FBXW11: variants seen among roughly 807,000 people sequenced by gnomAD.
FBXW11 encodes F-box and WD repeat domain containing 11.
In FBXW11, 19 loss-of-function variants were observed where a neutral mutation model predicts 77.6. The observed-to-expected ratio is 0.24, with a 90% CI of 0.17 to 0.36. The LOEUF (loss-of-function observed/expected upper bound fraction) is 0.36, where lower values mean the gene tolerates loss of function less well. Among genes scored for constraint, FBXW11 ranks in the 10% least tolerant of loss-of-function variants. The pLI is 1.00. For missense variants in FBXW11, 334 were observed against 704.2 expected, an observed-to-expected ratio of 0.47 and a Z score of 5.95; for synonymous variants, 235 against 249.4, an observed-to-expected ratio of 0.94 and a Z score of 0.54.
At chr5:171,878,930 T>C (rs915569633) in intron 7 of FBXW11, among the ~76,000 whole-genome samples, 1 of 152,156 alleles carries the variant, frequency 6.6e-6, no homozygotes, top group Non-Finnish European at 1.5e-5. Flanking sequence ...GAAAATGAAA[T>C]GTCCAGCATT....
intron 2 of FBXW11, among the ~76,000 whole-genome samples, chr5:171,948,309 G>C (rs1763125962): frequency 6.7e-6 from 1 of 149,594 alleles, no homozygotes; most frequent in Non-Finnish European, 1.5e-5. Flanking sequence ...AAAAAGTATA[G>C]ATAGATAAGC....
chr5:171,964,146 G>A (rs1007845072), intron 1 of FBXW11, among the ~76,000 whole-genome samples: 1 of 152,204 alleles, frequency 6.6e-6, no homozygotes, highest in African/African-American at 2.4e-5. Context: ...TACAAACAAT[G>A]CAATTTCTTT....
chr5:171,931,797 T>C (rs1762200874), intron 2 of FBXW11, among the ~76,000 whole-genome samples: 1 of 143,338 alleles, frequency 7.0e-6, no homozygotes, highest in Non-Finnish European at 1.5e-5. Flanking sequence ...ACAGAAACAA[T>C]TTCTCTCTCT....
At chr5:171,931,820 T>TC (rs1404593516) in intron 2 of FBXW11, among the ~76,000 whole-genome samples, 1 of 116,956 alleles carries the variant, frequency 8.6e-6, no homozygotes, top group Non-Finnish European at 1.7e-5. Context: ...CTCTCCTCTC[T>TC]CTCTCTCTCT....
chr5:171,959,279 C>T (rs1763774882), intron 1 of FBXW11, among the ~76,000 whole-genome samples: 1 of 151,820 alleles, frequency 6.6e-6, no homozygotes, highest in Admixed American at 6.6e-5. Context: ...ATTTTGTTGC[C>T]TCAACACTTT....
intron 1 of FBXW11, among the ~76,000 whole-genome samples, chr5:171,991,168 T>G (rs1365979171): frequency 6.6e-6 from 1 of 152,120 alleles, no homozygotes; most frequent in East Asian, 1.9e-4. Context: ...AGTAATTCAT[T>G]CAAAAAATTT....
At chr5:171,930,851 T>A (rs1270121359) in intron 2 of FBXW11, among the ~76,000 whole-genome samples, 1 of 151,280 alleles carries the variant, frequency 6.6e-6, no homozygotes, top group African/African-American at 2.4e-5. Context: ...TATACACAGT[T>A]TATATACAAA....
rs191350555 is a variant in FBXW11, at chr5:171,880,374, T to C, written c.853-2245A>G. ...TACAGTAATTCTTCAAGTAGGGTAG[T>C]GTTAGTCCTCTGTCTTTATTCTACT... On this transcript the variant is annotated intron_variant, in intron 7 of 13. Coordinates refer to ENST00000517395, the MANE Select transcript of FBXW11 (RefSeq NM_001378974.1). 3.3e-5 allele frequency among the ~76,000 whole-genome samples: 5 copies of C among 152,348 alleles called. No homozygotes were observed. In the East Asian group the frequency reaches 9.6e-4, roughly 29 times the overall value.
chr5:171,968,653 G>A (rs1195447813), intron 1 of FBXW11, among the ~76,000 whole-genome samples: 2 of 152,036 alleles, frequency 1.3e-5, no homozygotes, highest in African/African-American at 2.4e-5. Context: ...GGTCTTCCAG[G>A]TGACAAAACT....
chr5:171,876,244 G>T lies in FBXW11; in HGVS notation c.1221+41C>A, dbSNP rs764962009. 5 of 1,608,548 alleles carry T rather than the reference G, an allele frequency of 3.1e-6. No individual in the cohort carries two copies. The East Asian group carries it at 1.1e-4, about 36-fold the overall frequency. ...CCTCTGCTTTGTCTCTGTTCTAAAAGGGACAGGAACAGGTAGGGTTATGAC... is the reference window on the plus strand; with the variant it reads ...CCTCTGCTTTGTCTCTGTTCTAAAATGGACAGGAACAGGTAGGGTTATGAC... On this transcript the variant is annotated intron_variant, in intron 9 of 13. Transcript: ENST00000517395. The surrounding 1 kb of genome is among the most constrained non-coding windows in gnomAD (Gnocchi z 4.2).
intron 7 of FBXW11, among the ~76,000 whole-genome samples, chr5:171,880,799 C>T (rs1258031228): frequency 4.6e-5 from 7 of 152,280 alleles, no homozygotes; most frequent in African/African-American, 1.7e-4. Flanking sequence ...CAAGTTCAAG[C>T]TATTGTCCTG....
intron 1 of FBXW11, among the ~76,000 whole-genome samples, chr5:172,000,041 T>C (rs1445770192): frequency 4.6e-5 from 7 of 152,222 alleles, no homozygotes; most frequent in Admixed American, 1.3e-4. Flanking sequence ...GGTCTGTCTC[T>C]CATTTGCCTA....
At chr5:171,900,690 G>C (rs529972353) in intron 4 of FBXW11, among the ~76,000 whole-genome samples, 1 of 152,248 alleles carries the variant, frequency 6.6e-6, no homozygotes, top group East Asian at 1.9e-4. Context: ...AATTAAAGTC[G>C]ATTGTGCTTA....
At chr5:171,879,793 T>C (rs1758381518) in intron 7 of FBXW11, among the ~76,000 whole-genome samples, 2 of 152,234 alleles carry the variant, frequency 1.3e-5, no homozygotes, top group South Asian at 4.1e-4. Context: ...TTTTTAAAAA[T>C]CAGGTTAAGC....
intron 1 of FBXW11, among the ~76,000 whole-genome samples, chr5:171,962,445 A>T (rs1054315118): frequency 6.6e-6 from 1 of 152,198 alleles, no homozygotes. Flanking sequence ...ATGGGTTGTG[A>T]TATTAACAGC....
intron 7 of FBXW11, among the ~76,000 whole-genome samples, chr5:171,883,771 T>C (rs1405928939): frequency 1.3e-5 from 2 of 152,258 alleles, no homozygotes; most frequent in African/African-American, 4.8e-5. Flanking sequence ...GAGCATTTTT[T>C]CATATGTGTA....
At chr5:171,956,967 C>T (rs1174805536) in intron 2 of FBXW11, among the ~76,000 whole-genome samples, 1 of 152,214 alleles carries the variant, frequency 6.6e-6, no homozygotes, top group Admixed American at 6.5e-5. Flanking sequence ...CTTTCCCATC[C>T]ACCCCCAAAA....
chr5:171,929,242 G>A (rs1019626924), intron 2 of FBXW11, among the ~76,000 whole-genome samples: 8 of 151,492 alleles, frequency 5.3e-5, no homozygotes, highest in Admixed American at 1.3e-4. Flanking sequence ...GTGGTGGCAC[G>A]CGCCTCTAAT....
intron 2 of FBXW11, among the ~76,000 whole-genome samples, chr5:171,922,358 A>C (rs1032298742): frequency 6.6e-6 from 1 of 152,238 alleles, no homozygotes; most frequent in Non-Finnish European, 1.5e-5. Context: ...AAGGCAAACC[A>C]AACAGCTTTT....
Sources: gnomAD v4.1 joint callset for allele counts (sites outside exome capture counted in the v4.1 genomes callset) on GRCh38, gnomAD v4.1.1 for gene constraint, Gnocchi (gnomAD v3.1) non-coding constraint, MANE v1.5 for transcripts, NCBI Gene and HGNC (gene_info 2026-07-23, HGNC 2026-07-21) for gene names.